REV1: variants seen among roughly 807,000 people sequenced by gnomAD.
The protein encoded by REV1 is translesion synthesis protein REV1.
A neutral mutation model predicts 137.4 loss-of-function variants in REV1; 42 were observed. That is an observed-to-expected ratio of 0.31 (90% CI 0.24 to 0.40). REV1 has a LOEUF of 0.40. Ranked by LOEUF, REV1 falls within the 10% of genes least tolerant of loss-of-function variation. The probability of loss-of-function intolerance (pLI) is 1.00; values close to 1 mark genes in which losing one functional copy is unlikely to be tolerated. For synonymous variants in REV1, 524 were observed against 519.2 expected (o/e 1.01, Z -0.12); for missense variants, 1,282 against 1,490.1 (o/e 0.86, Z 2.30).
At chr2:99,451,628 C>A in intron 3 of REV1, 1 of 495,724 alleles carries the variant, frequency 2.0e-6, no homozygotes, top group Non-Finnish European at 3.6e-6. Flanking sequence ...TCTCCTCTTT[C>A]TCCATAAACA....
chr2:99,460,634 GGTAAA>G (rs768231026), intron 3 of REV1, among the ~76,000 whole-genome samples: 11 of 150,976 alleles, frequency 7.3e-5, no homozygotes, highest in Non-Finnish European at 1.0e-4. Context: ...TCTATAAAGT[GGTAAA>G]GTATTCACTA....
At chr2:99,462,778 C>T in intron 2 of REV1, 156 bp from the exon 3 acceptor site, 1 of 723,110 alleles carries the variant, frequency 1.4e-6, no homozygotes, top group Non-Finnish European at 2.2e-6. Context: ...AACCATAAGG[C>T]AAGGCAATAA....
intron 10 of REV1, among the ~76,000 whole-genome samples, chr2:99,423,285 G>A (rs1678917866): frequency 1.3e-5 from 2 of 152,210 alleles, no homozygotes; most frequent in South Asian, 4.1e-4. Context: ...AAGAGGCAGA[G>A]GTGAAAACAG....
intron 15 of REV1, among the ~76,000 whole-genome samples, chr2:99,407,152 C>T (rs1676440370): frequency 2.3e-5 from 3 of 128,632 alleles, no homozygotes; most frequent in East Asian, 2.4e-4. Context: ...TGCGGTGGCA[C>T]GATCTTGGCT....
chr2:99,434,456 GA>G lies in REV1; in HGVS notation c.1322-9del. The G allele has an allele frequency of 6.4e-7, 1 of 1,571,960 alleles. No individual in the cohort carries two copies. Among genetic ancestry groups the G allele is most frequent in the Non-Finnish European group, 8.7e-7 (1 of 1,154,342 alleles). ...TAACAGCCACTGGTTTTCCTGTGAG[GA>G]AAATATTAAATTATTTCTGTATGTG... On this transcript the variant is annotated splice_polypyrimidine_tract_variant and intron_variant, in intron 7 of 22. Coordinates refer to ENST00000258428, the MANE Select transcript of REV1 (RefSeq NM_016316.4).
In REV1 at chr2:99,401,336, C is replaced by T; in HGVS notation, c.3661G>A (p.Val1221Met). ...AATGCCATATTCCAAACCGATTCCA[C>T]CGATTGCTGCATCAGCCTAAAGGTG... The part of the protein sequence containing the change: ...KYMKRLMQQS[V>M]ESVWNMAFDF... The change falls in exon 23 of 23, where the codon GTG becomes ATG. Residue 1221 changes from valine (V) to methionine (M), a missense_variant. By Grantham distance (21) the Val-to-Met change is conservative (BLOSUM62 1). Transcript: ENST00000258428. 6.2e-7 allele frequency: 1 copy of T among 1,612,920 alleles called. No homozygotes were observed. The highest frequency in any genetic ancestry group is 8.5e-7 in the Non-Finnish European group (1 of 1,179,132).
intron 9 of REV1, chr2:99,424,510 A>T (rs574507456): frequency 6.0e-5 from 31 of 515,344 alleles, no homozygotes; most frequent in African/African-American, 5.8e-4. Context: ...TATGTCATTA[A>T]AATACCAGGT....
chr2:99,489,757 G>A (rs1687510312), intron 1 of REV1, 60 bp downstream of exon 1: 1 of 149,958 alleles, frequency 6.7e-6, no homozygotes, highest in African/African-American at 2.4e-5. Context: ...GGCGCCTCCG[G>A]GCGACGCGTG....
At chr2:99,419,232 G>GGT (rs1678323364) in intron 11 of REV1, among the ~76,000 whole-genome samples, 1 of 141,310 alleles carries the variant, frequency 7.1e-6, no homozygotes, top group Non-Finnish European at 1.5e-5. Flanking sequence ...TTTTTTGGGG[G>GGT]ATGGAGGCTC....
Position 99,429,939 on chromosome 2 carries a change from G to C in REV1, c.1448C>G (p.Pro483Arg). 6.4e-7 allele frequency: 1 copy of C among 1,574,066 alleles called. No individual in the cohort carries two copies. The highest frequency in any genetic ancestry group is 8.6e-7 in the Non-Finnish European group (1 of 1,161,300). Residue 483 changes from proline to arginine, a missense_variant, in exon 9 of 23, where the codon CCA becomes CGA. Physicochemically the swap from Pro to Arg is moderately radical, Grantham distance 103. Coordinates refer to ENST00000258428, the MANE Select transcript of REV1 (RefSeq NM_016316.4). Reference protein sequence around the residue: ...KILKGKAADIPDSSLWENPDS... With the variant: ...KILKGKAADIRDSSLWENPDS... Reference sequence around the variant, plus strand: ...TGGATTCTCCCACAATGATGAATCTGGTATATCTGCTTTAAAAATAAAAAA... The same window carrying C: ...TGGATTCTCCCACAATGATGAATCTCGTATATCTGCTTTAAAAATAAAAAA...
intron 6 of REV1, chr2:99,436,766 G>A (rs956293775): frequency 1.3e-5 from 2 of 152,220 alleles, no homozygotes; most frequent in East Asian, 1.9e-4. Flanking sequence ...TAGCCTGTTC[G>A]TCTGGTCCTC....
chr2:99,475,697 T>A (rs575389936), intron 1 of REV1, among the ~76,000 whole-genome samples: 176 of 148,354 alleles, frequency 1.2e-3, no homozygotes, highest in Non-Finnish European at 2.1e-3. Context: ...AAAAAAAAAA[T>A]AAATAGGCCA....
chr2:99,424,802 C>T (rs562621668), intron 9 of REV1: 3 of 1,304,080 alleles, frequency 2.3e-6, no homozygotes, highest in Non-Finnish European at 3.0e-6. Flanking sequence ...CAATTCCATG[C>T]TCCTGAAGTG....
intron 4 of REV1, among the ~76,000 whole-genome samples, chr2:99,444,124 T>A (rs1575121353): frequency 6.6e-6 from 1 of 152,216 alleles, no homozygotes; most frequent in Non-Finnish European, 1.5e-5. Context: ...CCAGCCCTTT[T>A]CTTCCTTTAA....
At chr2:99,434,228 A>C (rs1434902640) in intron 8 of REV1, 104 bp downstream of exon 8, 2 of 597,570 alleles carry the variant, frequency 3.3e-6, no homozygotes, top group East Asian at 6.0e-5. Flanking sequence ...GAAAAAGCTA[A>C]TTGCTACAAC....
chr2:99,447,588 T>A (rs1682381356), intron 4 of REV1, among the ~76,000 whole-genome samples: 1 of 152,246 alleles, frequency 6.6e-6, no homozygotes, highest in Admixed American at 6.5e-5. Context: ...ATATTACACC[T>A]CTACAACATG....
At chr2:99,414,442 C>G (rs985317182) in intron 12 of REV1, among the ~76,000 whole-genome samples, 1 of 151,532 alleles carries the variant, frequency 6.6e-6, no homozygotes, top group Non-Finnish European at 1.5e-5. Context: ...ACCAAAGACC[C>G]CGAGTTAACA....
rs1194583272 is a variant in REV1, at chr2:99,402,750, C to G, written c.3435G>C (p.Gln1145His). ...TSGVPGLSSL[Q>H]SDPAGCVRPP... Reference sequence around the variant, plus strand: ...GTCTCACACAGCCAGCTGGGTCAGACTGCAAACTAGAAAGGCCTGGCACAC... The same window carrying G: ...GTCTCACACAGCCAGCTGGGTCAGAGTGCAAACTAGAAAGGCCTGGCACAC... The change falls in exon 21 of 23, where the codon CAG (glutamine) becomes CAC (histidine). Residue 1145 changes from glutamine to histidine, a missense_variant. Physicochemically the swap from Gln to His is conservative, Grantham distance 24. Coordinates refer to ENST00000258428, the MANE Select transcript of REV1 (RefSeq NM_016316.4). The G allele has an allele frequency of 1.2e-6, 2 of 1,614,084 alleles. No individual in the cohort carries two copies. Among genetic ancestry groups the G allele is most frequent in the African/African-American group, 2.7e-5 (2 of 74,920 alleles).
At chr2:99,486,946 T>G (rs1006454762) in intron 1 of REV1, among the ~76,000 whole-genome samples, 3 of 151,698 alleles carry the variant, frequency 2.0e-5, no homozygotes, top group African/African-American at 7.3e-5. Context: ...CTTCACCTAG[T>G]AATAAATGCT....
Sources: gnomAD v4.1 joint callset for allele counts (sites outside exome capture counted in the v4.1 genomes callset) on GRCh38, gnomAD v4.1.1 for gene constraint, MANE v1.5 for transcripts, NCBI Gene and HGNC (gene_info 2026-07-23, HGNC 2026-07-21) for gene names.